Variants in SLC5A4 observed in about 807,000 individuals in gnomAD.
SLC5A4 encodes probable glucose sensor protein SLC5A4.
A neutral mutation model predicts 70.3 loss-of-function variants in SLC5A4; 55 were observed. The ratio of observed to expected loss-of-function variants is 0.78; its 90% CI spans 0.63 to 0.98. The LOEUF (loss-of-function observed/expected upper bound fraction) is 0.98. SLC5A4 is among the 50% of genes least tolerant of loss of function. The pLI is 0.00. For missense variants in SLC5A4, 735 were observed against 839.2 expected (o/e 0.88, Z 1.53); for synonymous variants, 268 against 305.7 (o/e 0.88, Z 1.29).
the SLC5A4 span, among the ~76,000 whole-genome samples, chr22:32,315,067 A>ACATAT: frequency 1.3e-5 from 2 of 152,196 alleles, no homozygotes; most frequent in Non-Finnish European, 2.9e-5. Context: ...TGTATACTTA[A>ACATAT]AAATGGTTAA....
the SLC5A4 span, among the ~76,000 whole-genome samples, chr22:32,289,986 T>C: frequency 2.4e-4 from 36 of 152,328 alleles, 1 homozygote; most frequent in African/African-American, 8.4e-4. Context: ...GAAGAGCTTG[T>C]GTATGATTGG....
chr22:32,324,576 C>T, the SLC5A4 span, among the ~76,000 whole-genome samples: 1 of 152,172 alleles, frequency 6.6e-6, no homozygotes, highest in Non-Finnish European at 1.5e-5. Flanking sequence ...ACTCACTGGG[C>T]GCCCCTTCAG....
the SLC5A4 span, among the ~76,000 whole-genome samples, chr22:32,306,410 G>A: frequency 1.3e-5 from 2 of 150,006 alleles, no homozygotes; most frequent in African/African-American, 2.5e-5. Context: ...AGCTTGCAGT[G>A]ACCCGAGATT....
Position 32,254,224 on chromosome 22 carries a change from G to A in SLC5A4, c.136-11C>T. On this transcript the variant is annotated splice_polypyrimidine_tract_variant and intron_variant, in intron 1 of 14. Coordinates refer to ENST00000266086, the MANE Select transcript of SLC5A4 (RefSeq NM_014227.3). ...GGTCTTCAGCATCGCCTGAGCAGAAGGGAAGACAGGTGAGGGTCAAGCCCC... is the reference window on the plus strand; with the variant it reads ...GGTCTTCAGCATCGCCTGAGCAGAAAGGAAGACAGGTGAGGGTCAAGCCCC... 6.2e-7 allele frequency: 1 copy of A among 1,609,562 alleles called. No homozygotes were observed. Among genetic ancestry groups the A allele is most frequent in the East Asian group, 2.2e-5 (1 of 44,834 alleles).
At chr22:32,256,120 C>G (rs1466509248), upstream of SLC5A4, among the ~76,000 whole-genome samples, 1 of 152,102 alleles carries the variant, frequency 6.6e-6, no homozygotes, top group Non-Finnish European at 1.5e-5. Flanking sequence ...AGTTCAAGAC[C>G]AGCTTGGGCA....
chr22:32,344,813 A>G, the SLC5A4 span, among the ~76,000 whole-genome samples: 2 of 152,120 alleles, frequency 1.3e-5, no homozygotes, highest in Non-Finnish European at 2.9e-5. Context: ...TTCTCCTTAT[A>G]TTGTACACAT....
At chr22:32,285,999 G>C in the SLC5A4 span, among the ~76,000 whole-genome samples, 1 of 152,156 alleles carries the variant, frequency 6.6e-6, no homozygotes, top group African/African-American at 2.4e-5. Flanking sequence ...GCCTCCCAAA[G>C]TGCTGTGATT....
chr22:32,281,374 G>T, the SLC5A4 span, among the ~76,000 whole-genome samples: 1 of 152,186 alleles, frequency 6.6e-6, no homozygotes, highest in Non-Finnish European at 1.5e-5. Flanking sequence ...GTGCAGGGGT[G>T]GGGAGGAGCC....
the SLC5A4 span, among the ~76,000 whole-genome samples, chr22:32,265,534 T>G: frequency 1.3e-5 from 2 of 152,212 alleles, no homozygotes; most frequent in African/African-American, 4.8e-5. Context: ...TAGTAATTAT[T>G]TGTTGTCTAC....
chr22:32,272,677 T>C, the SLC5A4 span: 1 of 548,968 alleles, frequency 1.8e-6, no homozygotes, highest in Non-Finnish European at 3.4e-6. Flanking sequence ...TTTGGGGGCA[T>C]GTGCCTGCTG....
chr22:32,301,603 T>G, the SLC5A4 span, among the ~76,000 whole-genome samples: 2 of 152,208 alleles, frequency 1.3e-5, no homozygotes, highest in Non-Finnish European at 2.9e-5. Flanking sequence ...CAAATTGATC[T>G]ATAAATTCAA....
chr22:32,297,616 GTTAATT>G, the SLC5A4 span, among the ~76,000 whole-genome samples: 30 of 111,422 alleles, frequency 2.7e-4, 3 homozygotes, highest in African/African-American at 9.5e-4. Flanking sequence ...TCCTGGATTC[GTTAATT>G]TTTTGAAGGG....
chr22:32,272,336 G>A, the SLC5A4 span: 3 of 838,304 alleles, frequency 3.6e-6, no homozygotes, highest in Non-Finnish European at 6.2e-6. Context: ...GCACTGCAAG[G>A]CCACCTGGTG....
At chr22:32,255,063 C>T in intron 1 of SLC5A4, 132 bp downstream of exon 1, 1 of 877,062 alleles carries the variant, frequency 1.1e-6, no homozygotes, top group Non-Finnish European at 1.8e-6. Flanking sequence ...ATTTATGCAA[C>T]ACACAAGAAA....
At chr22:32,305,521 T>TC in the SLC5A4 span, among the ~76,000 whole-genome samples, 1 of 148,822 alleles carries the variant, frequency 6.7e-6, no homozygotes, top group African/African-American at 2.5e-5. Context: ...CAGTCTGGTA[T>TC]CCCCATCATC....
the SLC5A4 span, among the ~76,000 whole-genome samples, chr22:32,349,970 A>C: frequency 6.6e-6 from 1 of 152,092 alleles, no homozygotes; most frequent in Non-Finnish European, 1.5e-5. Context: ...TTCCCCAACT[A>C]ATTTCTGATG....
chr22:32,341,566 A>G, the SLC5A4 span, among the ~76,000 whole-genome samples: 1 of 152,236 alleles, frequency 6.6e-6, no homozygotes, highest in Non-Finnish European at 1.5e-5. Flanking sequence ...CTGGGACAGC[A>G]GAGCACTGTC....
In SLC5A4 at chr22:32,247,485, G is replaced by A. The variant is rs138159172; in HGVS notation, c.403C>T (p.Arg135Trp). 151 of 1,613,372 alleles carry A rather than the reference G, an allele frequency of 9.4e-5. No homozygotes were observed. Among genetic ancestry groups the A allele is most frequent in the Middle Eastern group, 1.6e-4 (1 of 6,082 alleles). ...VMTMPEYLKK[R>W]FGGERLQVYL... ...ACCTGGAGTCGCTCCCCACCAAACCGCTTCTTGAGATATTCCGGCATGGTC... is the reference window on the plus strand; with the variant it reads ...ACCTGGAGTCGCTCCCCACCAAACCACTTCTTGAGATATTCCGGCATGGTC... The change falls in exon 5 of 15, where the codon CGG (arginine) becomes TGG (tryptophan). Residue 135 changes from arginine (R) to tryptophan (W), a missense_variant. Physicochemically the swap from Arg to Trp is moderately radical, Grantham distance 101. Coordinates refer to ENST00000266086, the MANE Select transcript of SLC5A4 (RefSeq NM_014227.3).
At chr22:32,223,960 A>G (rs1925233095) in intron 13 of SLC5A4, among the ~76,000 whole-genome samples, 3 of 151,928 alleles carry the variant, frequency 2.0e-5, no homozygotes, top group South Asian at 4.2e-4. Context: ...TCGCTCTGTC[A>G]CCCAGGTTGG....
Sources: gnomAD v4.1 joint callset for allele counts (sites outside exome capture counted in the v4.1 genomes callset) on GRCh38, gnomAD v4.1.1 for gene constraint, MANE v1.5 for transcripts, NCBI Gene and HGNC (gene_info 2026-07-23, HGNC 2026-07-21) for gene names.